Variants in LYPD6B observed in about 807,000 individuals in gnomAD.
The protein encoded by LYPD6B is ly6/PLAUR domain-containing protein 6B.
A neutral mutation model predicts 22.8 loss-of-function variants in LYPD6B; 17 were observed. The observed-to-expected ratio is 0.75, with a 90% CI of 0.51 to 1.12. The LOEUF (loss-of-function observed/expected upper bound fraction) is 1.12. Ranked by LOEUF, LYPD6B falls within the 50% of genes most tolerant of loss-of-function variation. The pLI is 0.00. For synonymous variants in LYPD6B, 106 were observed against 91.6 expected, an observed-to-expected ratio of 1.16 and a Z score of -0.90; for missense variants, 221 against 258.3, an observed-to-expected ratio of 0.86 and a Z score of 0.99.
At chr2:149,045,122 T>A (rs1683252014) in intron 1 of LYPD6B, among the ~76,000 whole-genome samples, 1 of 152,064 alleles carries the variant, frequency 6.6e-6, no homozygotes, top group Non-Finnish European at 1.5e-5. Flanking sequence ...CTATTCAGAT[T>A]ATCTATTTCT....
intron 3 of LYPD6B, among the ~76,000 whole-genome samples, chr2:149,163,706 C>T (rs1690240737): frequency 6.6e-6 from 1 of 152,046 alleles, no homozygotes. Context: ...CTATTTTTTC[C>T]CCCTGTGTCC....
chr2:149,120,377 A>ATTTTTTTTT (rs1343156188), intron 1 of LYPD6B, among the ~76,000 whole-genome samples: 11 of 43,136 alleles, frequency 2.6e-4, no homozygotes, highest in African/African-American at 5.6e-4. Flanking sequence ...ATATATATAT[A>ATTTTTTTTT]TATATATTTT....
intron 4 of LYPD6B, 42 bp from the exon 5 acceptor site, chr2:149,208,272 T>C (rs1693625597): frequency 2.0e-6 from 3 of 1,504,228 alleles, no homozygotes; most frequent in Non-Finnish European, 2.8e-6. Context: ...GAAATTTTTG[T>C]CTTCTGTAGC....
intron 1 of LYPD6B, among the ~76,000 whole-genome samples, chr2:149,115,408 A>C (rs1387581528): frequency 2.6e-5 from 4 of 152,202 alleles, no homozygotes; most frequent in Non-Finnish European, 5.9e-5. Flanking sequence ...AAAAACTAGA[A>C]TCCTGATTAT....
At chr2:149,055,616 C>A (rs1683754416) in intron 1 of LYPD6B, among the ~76,000 whole-genome samples, 2 of 152,122 alleles carry the variant, frequency 1.3e-5, no homozygotes, top group Admixed American at 1.3e-4. Context: ...TAAATTGATT[C>A]CTGCTTTATC....
In LYPD6B at chr2:149,160,953, G is replaced by C. The variant is rs547930031; in HGVS notation, c.77+118G>C. 19 of 748,398 alleles carry C rather than the reference G, an allele frequency of 2.5e-5. No individual in the cohort carries two copies. The South Asian group carries it at 2.7e-4, about 11-fold the overall frequency. The allele number at this position is 748,398 out of a possible 1,614,324, so 46.4% of individuals were successfully genotyped here. On this transcript the variant is annotated intron_variant, in intron 3 of 6. Transcript: ENST00000409642. The stretch of plus-strand genomic sequence containing the variant: ...CTGTGTTTTTCCCATCTCCTTGGCA[G>C]TTTGCCAGGTTTCCCATCCTAAGCC...
chr2:149,071,901 G>T (rs1036467319), intron 1 of LYPD6B, among the ~76,000 whole-genome samples: 1 of 152,124 alleles, frequency 6.6e-6, no homozygotes, highest in African/African-American at 2.4e-5. Flanking sequence ...TGTTTTGCTG[G>T]TAACATTCCT....
chr2:149,079,193 A>C (rs920702914), intron 1 of LYPD6B, among the ~76,000 whole-genome samples: 4 of 152,072 alleles, frequency 2.6e-5, no homozygotes, highest in South Asian at 4.2e-4. Context: ...TTGTTCTCCA[A>C]GGGTCTAACT....
At chr2:149,061,228 G>A (rs190835752) in intron 1 of LYPD6B, among the ~76,000 whole-genome samples, 30 of 149,342 alleles carry the variant, frequency 2.0e-4, no homozygotes, top group African/African-American at 6.9e-4. Context: ...ACAGGGTCTT[G>A]CTCTGTCCCA....
At chr2:149,159,684 A>G (rs550266926) in intron 2 of LYPD6B, among the ~76,000 whole-genome samples, 49 of 151,420 alleles carry the variant, frequency 3.2e-4, no homozygotes, top group African/African-American at 1.2e-3. Context: ...TTCTCATACA[A>G]TTGTGGGGCT....
Position 149,117,977 on chromosome 2 carries a change from G to T in LYPD6B, c.-66-12906G>T, listed in dbSNP as rs546762482. 5.3e-4 allele frequency among the ~76,000 whole-genome samples: 80 copies of T among 152,318 alleles called. No homozygotes were observed. In the South Asian group the frequency reaches 0.016, roughly 31 times the overall value. On this transcript the variant is annotated intron_variant, in intron 1 of 6. Transcript: ENST00000409642. ...GGCTGGAGGATTTATTTCTAAGCTGGCAGTTGGTGTTAGCAAATTGGTCCT... is the reference window on the plus strand; with the variant it reads ...GGCTGGAGGATTTATTTCTAAGCTGTCAGTTGGTGTTAGCAAATTGGTCCT...
At chr2:149,212,403 A>AAAAAAAAAAAAAAAAAC (rs1693926507) in intron 5 of LYPD6B, among the ~76,000 whole-genome samples, 1 of 149,472 alleles carries the variant, frequency 6.7e-6, no homozygotes, top group African/African-American at 2.5e-5. Flanking sequence ...AAAAAAAAAA[A>AAAAAAAAAAAAAAAAAC]AGAAATTATT....
chr2:149,103,475 C>T (rs1186496284), intron 1 of LYPD6B, among the ~76,000 whole-genome samples: 1 of 152,124 alleles, frequency 6.6e-6, no homozygotes, highest in Non-Finnish European at 1.5e-5. Flanking sequence ...TATTTATAAA[C>T]AGCTTTTTTG....
At chr2:149,158,402 A>T (rs1003508199) in intron 2 of LYPD6B, among the ~76,000 whole-genome samples, 20 of 152,230 alleles carry the variant, frequency 1.3e-4, no homozygotes, top group African/African-American at 4.6e-4. Context: ...TGTGTTAAGT[A>T]AAATAAGCCA....
chr2:149,205,133 C>T (rs1056248979), intron 3 of LYPD6B, 120 bp from the exon 4 acceptor site: 1 of 1,037,556 alleles, frequency 9.6e-7, no homozygotes, highest in African/African-American at 1.6e-5. Flanking sequence ...GGTCCTGGCC[C>T]TACACAACAG....
intron 1 of LYPD6B, among the ~76,000 whole-genome samples, chr2:149,055,369 A>C (rs961670424): frequency 6.6e-6 from 1 of 152,142 alleles, no homozygotes; most frequent in Admixed American, 6.5e-5. Context: ...TATTTTGGCT[A>C]TTCTGGGTCC....
chr2:149,092,733 C>T (rs1685714862), intron 1 of LYPD6B, among the ~76,000 whole-genome samples: 1 of 152,182 alleles, frequency 6.6e-6, no homozygotes. Flanking sequence ...TATGTTTATG[C>T]TCTCTTGTAA....
At chr2:149,052,969 C>T (rs1048429739) in intron 1 of LYPD6B, among the ~76,000 whole-genome samples, 6 of 152,128 alleles carry the variant, frequency 3.9e-5, no homozygotes, top group African/African-American at 1.4e-4. Flanking sequence ...GTCTGCCACC[C>T]CATACAGTAG....
intron 1 of LYPD6B, among the ~76,000 whole-genome samples, chr2:149,119,891 C>T (rs533584197): frequency 6.6e-6 from 1 of 151,922 alleles, no homozygotes; most frequent in Non-Finnish European, 1.5e-5. Context: ...CTAGAGCCAG[C>T]ATATATAGAC....
Sources: allele counts gnomAD v4.1 joint callset (sites outside exome capture counted in the v4.1 genomes callset), GRCh38; gene constraint gnomAD v4.1.1; transcripts MANE v1.5; gene names NCBI Gene and HGNC (gene_info 2026-07-23, HGNC 2026-07-21).